The following MYBPC1 variants were observed in gnomAD, a reference collection of about 807,000 sequenced individuals.
The protein encoded by MYBPC1 is myosin binding protein C1.
Under a neutral mutation model 147.1 loss-of-function variants are expected in MYBPC1, and 52 were observed. The observed-to-expected ratio is 0.35, with a 90% CI of 0.28 to 0.45. The LOEUF (loss-of-function observed/expected upper bound fraction) is 0.45, where lower values mean the gene tolerates loss of function less well. Among genes scored for constraint, MYBPC1 ranks in the 20% least tolerant of loss-of-function variants. MYBPC1 has a pLI of 1.00. For synonymous variants in MYBPC1, 477 were observed against 475.9 expected (o/e 1.00, Z -0.03); for missense variants, 1,228 against 1,440.3 (o/e 0.85, Z 2.39).
chr12:101,627,704 G>A, intron 4 of MYBPC1, 65 bp from the exon 5 acceptor site: 12 of 1,565,546 alleles, frequency 7.7e-6, no homozygotes, highest in East Asian at 2.2e-5. Context: ...GAAGGTTGAA[G>A]TCAGCACTCC....
intron 10 of MYBPC1, among the ~76,000 whole-genome samples, chr12:101,640,926 C>A (rs1456316852): frequency 6.6e-6 from 1 of 151,894 alleles, no homozygotes; most frequent in Non-Finnish European, 1.5e-5. Flanking sequence ...ACCAGCCTGG[C>A]CAACATGGTG....
At chr12:101,607,340 A>C (rs548677965) in intron 1 of MYBPC1, among the ~76,000 whole-genome samples, 1 of 152,188 alleles carries the variant, frequency 6.6e-6, no homozygotes, top group Non-Finnish European at 1.5e-5. Context: ...ATAATTTGCT[A>C]TACCACCAAA....
intron 23 of MYBPC1, chr12:101,670,088 C>T: frequency 1.7e-6 from 1 of 584,324 alleles, no homozygotes; most frequent in Non-Finnish European, 3.1e-6. Flanking sequence ...ATAAATTTTG[C>T]TGAGTCAAAC....
chr12:101,608,103 C>A (rs1882941822), intron 1 of MYBPC1, among the ~76,000 whole-genome samples: 1 of 152,208 alleles, frequency 6.6e-6, no homozygotes, highest in South Asian at 2.1e-4. Context: ...GTGCTTTTTA[C>A]AGTAGGTGAC....
rs777352513 is a variant in MYBPC1, at chr12:101,666,847, T to C, written c.2357-885T>C. The C allele has an allele frequency of 5.9e-6, 9 of 1,532,652 alleles. No homozygotes were observed. In the South Asian group the frequency reaches 9.0e-5, roughly 15 times the overall value. 94.9% of individuals were successfully genotyped at this position (1,532,652 alleles called of 1,614,324 possible). A position where few individuals can be genotyped will look rare whatever the true frequency, so the allele number is the denominator to read the frequency against. On this transcript the variant is annotated intron_variant, in intron 22 of 31. Coordinates refer to ENST00000361466, the MANE Select transcript of MYBPC1 (RefSeq NM_002465.4). Reference sequence around the variant, plus strand: ...AATTTTCTTACTATATTATAATGTTTCTGGGAATATTGAATGACCAAGCAT... The same window carrying C: ...AATTTTCTTACTATATTATAATGTTCCTGGGAATATTGAATGACCAAGCAT...
chr12:101,613,773 T>C (rs763321121), intron 1 of MYBPC1, among the ~76,000 whole-genome samples: 1 of 152,146 alleles, frequency 6.6e-6, no homozygotes, highest in South Asian at 2.1e-4. Flanking sequence ...AAATTTTGGA[T>C]AGGTGTAGGT....
At chr12:101,635,196 G>A (rs1199559895) in intron 9 of MYBPC1, among the ~76,000 whole-genome samples, 5 of 152,042 alleles carry the variant, frequency 3.3e-5, no homozygotes, top group East Asian at 1.9e-4. Flanking sequence ...GAGGGGGGGC[G>A]GTCAAGGAAG....
At chr12:101,687,586 A>G (rs1454925327), downstream of MYBPC1, among the ~76,000 whole-genome samples, 2 of 152,214 alleles carry the variant, frequency 1.3e-5, no homozygotes, top group African/African-American at 4.8e-5. Context: ...AGGTATTTTA[A>G]CATAAAGGAA....
chr12:101,613,946 C>T (rs530775144), intron 1 of MYBPC1, among the ~76,000 whole-genome samples: 11 of 152,166 alleles, frequency 7.2e-5, no homozygotes, highest in Non-Finnish European at 1.3e-4. Context: ...CTCATGCAGG[C>T]AGAACAATGT....
chr12:101,608,748 G>T (rs924513451), intron 1 of MYBPC1, among the ~76,000 whole-genome samples: 1 of 152,176 alleles, frequency 6.6e-6, no homozygotes, highest in Non-Finnish European at 1.5e-5. Flanking sequence ...GGTGAGGGGT[G>T]TAATATTCCT....
In MYBPC1 at chr12:101,686,025, T is replaced by G. The variant is rs2136974878; in HGVS notation, c.*463T>G. 1 of 164,850 alleles carries G rather than the reference T, an allele frequency of 6.1e-6. No homozygotes were observed. Among genetic ancestry groups the G allele is most frequent in the Admixed American group, 6.4e-5 (1 of 15,578 alleles). 10.2% of individuals were successfully genotyped at this position (164,850 alleles called of 1,614,324 possible). On this transcript the variant is annotated 3_prime_UTR_variant, in exon 32 of 32. Coordinates refer to ENST00000361466, the MANE Select transcript of MYBPC1 (RefSeq NM_002465.4). The stretch of plus-strand genomic sequence containing the variant: ...TCTCAGAGTAAAAAACATAACACAA[T>G]GCACCACGACTGGATCTTGAAAACC...
chr12:101,666,653 T>A, intron 22 of MYBPC1: 1 of 1,241,620 alleles, frequency 8.1e-7, no homozygotes, highest in South Asian at 1.2e-5. Context: ...CTTTGCATAC[T>A]TTACTAACAG....
At chr12:101,666,914 CACACACACACACACAT>C (rs1417694919) in intron 22 of MYBPC1, 16 of 594,514 alleles carry the variant, frequency 2.7e-5, no homozygotes, top group South Asian at 4.5e-5. Flanking sequence ...CACACACACA[CACACACACACACACAT>C]ACACACACAC....
chr12:101,660,700 A>G (rs1896373540), intron 19 of MYBPC1, among the ~76,000 whole-genome samples: 1 of 151,792 alleles, frequency 6.6e-6, no homozygotes, highest in Non-Finnish European at 1.5e-5. Context: ...GAGACTGGGT[A>G]ATTTATAAAG....
At chr12:101,599,810 A>G (rs1879106763) in intron 1 of MYBPC1, among the ~76,000 whole-genome samples, 1 of 152,206 alleles carries the variant, frequency 6.6e-6, no homozygotes, top group African/African-American at 2.4e-5. Context: ...AACGAATGCC[A>G]TCATATTTTT....
At chr12:101,669,123 A>T (rs1307393478) in intron 23 of MYBPC1, among the ~76,000 whole-genome samples, 2 of 152,134 alleles carry the variant, frequency 1.3e-5, no homozygotes, top group Non-Finnish European at 2.9e-5. Context: ...AATAACTTTC[A>T]TCAAATCTTG....
At chr12:101,687,597 GTCTGGCTCA>G (rs1193415528), downstream of MYBPC1, among the ~76,000 whole-genome samples, 1 of 152,212 alleles carries the variant, frequency 6.6e-6, no homozygotes, top group Non-Finnish European at 1.5e-5. Context: ...CATAAAGGAA[GTCTGGCTCA>G]TCTATAAAGA....
At chr12:101,672,852 A>C (rs1349956226) in intron 24 of MYBPC1, among the ~76,000 whole-genome samples, 1 of 152,214 alleles carries the variant, frequency 6.6e-6, no homozygotes, top group Non-Finnish European at 1.5e-5. Flanking sequence ...CTGTCAAAAA[A>C]AAAAATTTAG....
intron 3 of MYBPC1, 42 bp from the exon 4 acceptor site, chr12:101,626,830 A>G (rs369409675): frequency 3.7e-5 from 57 of 1,526,720 alleles, no homozygotes; most frequent in Non-Finnish European, 4.7e-5. Context: ...CTTGGGATGA[A>G]GTCTTTTCTC....
Sources: gnomAD v4.1 joint callset for allele counts (sites outside exome capture counted in the v4.1 genomes callset) on GRCh38, gnomAD v4.1.1 for gene constraint, MANE v1.5 for transcripts, NCBI Gene and HGNC (gene_info 2026-07-23, HGNC 2026-07-21) for gene names.